PCDHGA5: variants seen among roughly 807,000 people sequenced by gnomAD.
The protein encoded by PCDHGA5 is protocadherin gamma subfamily A, 5.
In PCDHGA5, 36 loss-of-function variants were observed where a neutral mutation model predicts 56.7. That is an observed-to-expected ratio of 0.64 (90% CI 0.49 to 0.84). The LOEUF (loss-of-function observed/expected upper bound fraction) is 0.84, where lower values mean the gene tolerates loss of function less well. Ranked by LOEUF, PCDHGA5 falls within the 40% of genes least tolerant of loss-of-function variation. The probability of loss-of-function intolerance (pLI) is 0.00; values close to 1 mark genes in which losing one functional copy is unlikely to be tolerated. For missense variants in PCDHGA5, 1,305 were observed against 1,201.5 expected (o/e 1.09, Z -1.27); for synonymous variants, 563 against 520.2 (o/e 1.08, Z -1.12).
chr5:141,427,985 C>A (rs747784722), intron 1 of PCDHGA5: 23 of 1,597,524 alleles, frequency 1.4e-5, no homozygotes, highest in Non-Finnish European at 1.9e-5. Context: ...CGCTGGGGCC[C>A]GATGGCTCCG....
Position 141,419,336 on chromosome 5 carries a change from G to A in PCDHGA5, c.2421+52585G>A, listed in dbSNP as rs762064534. 6.8e-6 allele frequency: 11 copies of A among 1,613,772 alleles called. No individual in the cohort carries two copies. In the African/African-American group the frequency reaches 1.3e-4, roughly 20 times the overall value. ...CGGCCGTGTCTCCTACTCTCTCATT[G>A]CCAGCGACCTGGAGTCACGAACGCT... On this transcript the variant is annotated intron_variant, in intron 1 of 3. Coordinates refer to ENST00000518069, the MANE Select transcript of PCDHGA5 (RefSeq NM_018918.3).
Position 141,374,348 on chromosome 5 carries a change from AG to A in PCDHGA5, c.2421+7599del, listed in dbSNP as rs750321680. The A allele has an allele frequency of 1.9e-6, 3 of 1,613,910 alleles. No individual in the cohort carries two copies. The African/African-American group carries it at 4.0e-5, about 22-fold the overall frequency. On this transcript the variant is annotated intron_variant, in intron 1 of 3. Coordinates refer to ENST00000518069, the MANE Select transcript of PCDHGA5 (RefSeq NM_018918.3). ...AAACGGCAGCTTGGTCACCGCGGGT[AG>A]GATAGACCGCGAGGAGCTCTGTGCT...
rs1280013526 is a variant in PCDHGA5 at position 141,365,975 on chromosome 5, A to T, written c.1645A>T (p.Ser549Cys). The change falls in exon 1 of 4, where the codon AGC (serine) becomes TGC (cysteine). Residue 549 changes from serine (S) to cysteine (C), a missense_variant. Physicochemically the swap from Ser to Cys is moderately radical, Grantham distance 112. Transcript: ENST00000518069. ...TCCACTTAGCAGCAACGTGTCGCTG[A>T]GCCTGTTTGTGCTGGACCAGAACGA... ...NPPLSSNVSL[S>C]LFVLDQNDNT... 6.2e-7 allele frequency: 1 copy of T among 1,614,108 alleles called. No homozygotes were observed. Among genetic ancestry groups the T allele is most frequent in the Non-Finnish European group, 8.5e-7 (1 of 1,180,042 alleles).
At chr5:141,404,771 C>A in intron 1 of PCDHGA5, 2 of 1,613,870 alleles carry the variant, frequency 1.2e-6, no homozygotes, top group African/African-American at 1.3e-5. Context: ...GCTCTCCTAC[C>A]GCCTATTCAA....
chr5:141,480,239 A>C (rs1320132415), intron 1 of PCDHGA5, among the ~76,000 whole-genome samples: 4 of 136,218 alleles, frequency 2.9e-5, no homozygotes, highest in African/African-American at 1.1e-4. Context: ...TCCTGTCTCT[A>C]CAAAAAAAAA....
Position 141,490,866 on chromosome 5 carries a change from C to T in PCDHGA5, c.2422-3941C>T, listed in dbSNP as rs1408465290. The T allele has an allele frequency of 6.2e-7, 1 of 1,613,906 alleles. No homozygotes were observed. The highest frequency in any genetic ancestry group is 1.7e-5 in the Admixed American group (1 of 60,012). ...TGGGGGTTCGAGACTCCGGCTCTCC[C>T]CCATTGCATGCCAACACATCTCTGC... On this transcript the variant is annotated intron_variant, in intron 1 of 3. Coordinates refer to ENST00000518069, the MANE Select transcript of PCDHGA5 (RefSeq NM_018918.3). The surrounding 1 kb of genome is among the most constrained non-coding windows in gnomAD (Gnocchi z 5.4).
chr5:141,460,822 C>A (rs2098998601), intron 1 of PCDHGA5, among the ~76,000 whole-genome samples: 2 of 151,502 alleles, frequency 1.3e-5, no homozygotes, highest in South Asian at 4.1e-4. Context: ...TACATATATA[C>A]ACACTTAAAG....
chr5:141,424,797 C>G (rs1262781875), intron 1 of PCDHGA5: 1 of 151,908 alleles, frequency 6.6e-6, no homozygotes, highest in Non-Finnish European at 1.5e-5. Flanking sequence ...TTATTCAGAC[C>G]AACTTGTTAT....
At chr5:141,453,811 A>G (rs541081089) in intron 1 of PCDHGA5, among the ~76,000 whole-genome samples, 1 of 152,350 alleles carries the variant, frequency 6.6e-6, no homozygotes, top group Admixed American at 6.5e-5. Context: ...AGTTCCATAA[A>G]GGACAAACTT....
In PCDHGA5 at chr5:141,406,055, T is replaced by C. The variant is rs2094752189; in HGVS notation, c.2421+39304T>C. 5.3e-5 allele frequency among the ~76,000 whole-genome samples: 8 copies of C among 150,380 alleles called. No individual in the cohort carries two copies. In the South Asian group the frequency reaches 1.5e-3, roughly 28 times the overall value. On this transcript the variant is annotated intron_variant, in intron 1 of 3. Transcript: ENST00000518069. ...CTTCATTGGTTGCAGTGGACTCATA[T>C]CATAAAATTCTTACTCCTTTTTTTT...
intron 1 of PCDHGA5, among the ~76,000 whole-genome samples, chr5:141,368,348 C>T (rs1406521709): frequency 1.3e-5 from 2 of 151,986 alleles, no homozygotes; most frequent in African/African-American, 4.8e-5. Flanking sequence ...TACATATACA[C>T]ACACATATAT....
intron 1 of PCDHGA5, among the ~76,000 whole-genome samples, chr5:141,368,946 T>A (rs1330631003): frequency 6.6e-6 from 1 of 152,202 alleles, no homozygotes. Flanking sequence ...CTGGTTACTG[T>A]GAGTAGTTTA....
At position 141,505,200 on chromosome 5, in the gene PCDHGA5, G is replaced by T. The variant is rs528060752; in HGVS notation, c.2481-193G>T. On this transcript the variant is annotated intron_variant, in intron 2 of 3. Transcript: ENST00000518069. ...AAAGCATCGGAGGCAGCAAAGAGCTGGTTTGAGGGACTGACTTGTGGGATT... is the reference window on the plus strand; with the variant it reads ...AAAGCATCGGAGGCAGCAAAGAGCTTGTTTGAGGGACTGACTTGTGGGATT... Among the ~76,000 whole-genome samples the T allele has an allele frequency of 6.6e-5, 10 of 152,244 alleles. No individual in the cohort carries two copies. The East Asian group carries it at 7.7e-4, about 12-fold the overall frequency.
chr5:141,365,784 C>T lies in PCDHGA5; in HGVS notation c.1454C>T (p.Ala485Val). Residue 485 changes from alanine to valine, a missense_variant, in exon 1 of 4, where the codon GCT (alanine) becomes GTT (valine). Coordinates refer to ENST00000518069, the MANE Select transcript of PCDHGA5 (RefSeq NM_018918.3). ...CATGACCCCGACAGCGGCGACAACG[C>T]TCGAGTCACCTACTCCCTGGCTGAA... Reference protein sequence around the residue: ...TAHDPDSGDNARVTYSLAEDT... With the variant: ...TAHDPDSGDNVRVTYSLAEDT... 1.2e-6 allele frequency: 2 copies of T among 1,613,912 alleles called. No homozygotes were observed. The highest frequency in any genetic ancestry group is 1.7e-6 in the Non-Finnish European group (2 of 1,179,894).
chr5:141,458,273 G>C, intron 1 of PCDHGA5, among the ~76,000 whole-genome samples: 1 of 152,158 alleles, frequency 6.6e-6, no homozygotes, highest in Non-Finnish European at 1.5e-5. Context: ...AGGAACAACA[G>C]GGTTCCTGGT....
chr5:141,452,364 A>G (rs1330623001), intron 1 of PCDHGA5, among the ~76,000 whole-genome samples: 1 of 152,188 alleles, frequency 6.6e-6, no homozygotes, highest in African/African-American at 2.4e-5. Flanking sequence ...GCCTTGCTTC[A>G]TTTTAGTAGG....
chr5:141,457,264 C>T (rs2098915249), intron 1 of PCDHGA5, among the ~76,000 whole-genome samples: 1 of 152,142 alleles, frequency 6.6e-6, no homozygotes, highest in South Asian at 2.1e-4. Flanking sequence ...ATAGAATTCC[C>T]CTCTGTGGGC....
rs2099702455 is a variant in PCDHGA5, at chr5:141,490,641, G to C, written c.2422-4166G>C. 6.2e-7 allele frequency: 1 copy of C among 1,614,042 alleles called. No homozygotes were observed. Among genetic ancestry groups the C allele is most frequent in the Admixed American group, 1.7e-5 (1 of 60,004 alleles). On this transcript the variant is annotated intron_variant, in intron 1 of 3. Coordinates refer to ENST00000518069, the MANE Select transcript of PCDHGA5 (RefSeq NM_018918.3). The surrounding 1 kb of genome is among the most constrained non-coding windows in gnomAD (Gnocchi z 5.4). ...ACACTGCTTACATCCTAGAAAACCG[G>C]CCTCCGGGCTCCCTTCTTTGCACTG...
rs2154594699 is a variant in PCDHGA5 at position 141,512,507 on chromosome 5, C to T, written c.*1334C>T. 6.5e-6 allele frequency: 1 copy of T among 153,048 alleles called. No individual in the cohort carries two copies. Among genetic ancestry groups the T allele is most frequent in the South Asian group, 2.1e-4 (1 of 4,836 alleles). 9.5% of individuals were successfully genotyped at this position (153,048 alleles called of 1,614,324 possible). ...CACTGCCCAGGTCCCCAGTGCGCCCCCTAGTGGCCATAGCCTGGTTAAAGT... is the reference window on the plus strand; with the variant it reads ...CACTGCCCAGGTCCCCAGTGCGCCCTCTAGTGGCCATAGCCTGGTTAAAGT... On this transcript the variant is annotated 3_prime_UTR_variant, in exon 4 of 4. Transcript: ENST00000518069.
Sources: gnomAD v4.1 joint callset for allele counts (sites outside exome capture counted in the v4.1 genomes callset) on GRCh38, gnomAD v4.1.1 for gene constraint, Gnocchi (gnomAD v3.1) non-coding constraint, MANE v1.5 for transcripts, NCBI Gene and HGNC (gene_info 2026-07-23, HGNC 2026-07-21) for gene names.